The following TLNRD1 variants were observed in gnomAD, a reference collection of about 807,000 sequenced individuals.
The protein encoded by TLNRD1 is talin rod domain-containing protein 1.
A neutral mutation model predicts 19.5 loss-of-function variants in TLNRD1; 14 were observed. That is an observed-to-expected ratio of 0.72 (90% CI 0.47 to 1.12). TLNRD1 has a LOEUF of 1.12. Among genes scored for constraint, TLNRD1 ranks in the 50% most tolerant of loss-of-function variants. The pLI, the probability that TLNRD1 is intolerant of heterozygous loss-of-function variation, is 0.00. For missense variants in TLNRD1, 569 were observed against 531.9 expected (o/e 1.07, Z -0.69); for synonymous variants, 345 against 261.7 (o/e 1.32, Z -3.07).
rs999803833 is a variant in TLNRD1, at chr15:81,002,198, G to T, written c.-74G>T. On this transcript the variant is annotated 5_prime_UTR_variant, in exon 1 of 1. Coordinates refer to ENST00000267984, the MANE Select transcript of TLNRD1 (RefSeq NM_022566.3). The stretch of plus-strand genomic sequence containing the variant: ...GCCAGCTGAGTCGCGACGGCCGCCG[G>T]GGCGGCGGCAGTGGCCGCGGCAGCG... The T allele has an allele frequency of 9.9e-6, 12 of 1,207,564 alleles. No individual in the cohort carries two copies. The highest frequency in any genetic ancestry group is 1.2e-5 in the Non-Finnish European group (12 of 972,194). The allele number at this position is 1,207,564 out of a possible 1,614,324, so 74.8% of individuals were successfully genotyped here. A position where few individuals can be genotyped will look rare whatever the true frequency, so the allele number is the denominator to read the frequency against.
chr15:81,002,884 T>G lies in TLNRD1; in HGVS notation c.613T>G (p.Ser205Ala), dbSNP rs770688555. The G allele has an allele frequency of 1.6e-5, 26 of 1,597,054 alleles. No homozygotes were observed. The highest frequency in any genetic ancestry group is 2.2e-5 in the Non-Finnish European group (26 of 1,178,896). The change falls in exon 1 of 1, where the codon TCA becomes GCA. Residue 205 changes from serine (S) to alanine (A), a missense_variant. Physicochemically the swap from Ser to Ala is moderately conservative, Grantham distance 99. Transcript: ENST00000267984. ...CGCGTGCGCCCTGGCCAGTGACAAG[T>G]CACGGGACCGCTTTTCGCGGGAGCA... Reference protein sequence around the residue: ...TDACALASDKSRDRFSREQFK... With the variant: ...TDACALASDKARDRFSREQFK...
At position 81,002,580 on chromosome 15, in the gene TLNRD1, C is replaced by T. The variant is rs1178816395; in HGVS notation, c.309C>T (p.Gly103=). 2 of 1,468,988 alleles carry T rather than the reference C, an allele frequency of 1.4e-6. No homozygotes were observed. Among genetic ancestry groups the T allele is most frequent in the East Asian group, 2.6e-5 (1 of 38,904 alleles). The allele number at this position is 1,468,988 out of a possible 1,614,324, so 91.0% of individuals were successfully genotyped here. ...THDVQSQLNM[G]RFGEAGDSLV... ...ACGTGCAGAGCCAGCTCAACATGGGCCGCTTCGGGGAGGCGGGGGACAGCC... is the reference window on the plus strand; with the variant it reads ...ACGTGCAGAGCCAGCTCAACATGGGTCGCTTCGGGGAGGCGGGGGACAGCC... Residue 103 remains glycine, a synonymous_variant, in exon 1 of 1, where the codon GGC becomes GGT. Coordinates refer to ENST00000267984, the MANE Select transcript of TLNRD1 (RefSeq NM_022566.3).
Position 81,001,023 on chromosome 15 carries a change from C to T in TLNRD1, c.-1249C>T, listed in dbSNP as rs1487705317. On this transcript the variant is annotated 5_prime_UTR_variant, in exon 1 of 1. Coordinates refer to ENST00000267984, the MANE Select transcript of TLNRD1 (RefSeq NM_022566.3). ...GGGAACAGGAAAAGCCTCCGGCAGC[C>T]CCTGCGGGCGGCGGCGCAGCCACGG... 1 of 154,288 alleles carries T rather than the reference C, an allele frequency of 6.5e-6. No homozygotes were observed. The highest frequency in any genetic ancestry group is 1.4e-5 in the Non-Finnish European group (1 of 69,380). 9.6% of individuals were successfully genotyped at this position (154,288 alleles called of 1,614,324 possible).
At position 81,004,000 on chromosome 15, in the gene TLNRD1, T is replaced by G. The variant is rs1893461410; in HGVS notation, c.*640T>G. On this transcript the variant is annotated 3_prime_UTR_variant, in exon 1 of 1. Transcript: ENST00000267984. Reference sequence around the variant, plus strand: ...TTCATCTATTAAAATGTTATGTTTCTCAGATGGCTTTTTGCAATTATTGTT... The same window carrying G: ...TTCATCTATTAAAATGTTATGTTTCGCAGATGGCTTTTTGCAATTATTGTT... The G allele has an allele frequency of 6.0e-6, 1 of 167,026 alleles. No homozygotes were observed. Among genetic ancestry groups the G allele is most frequent in the African/African-American group, 2.4e-5 (1 of 41,434 alleles). 10.3% of individuals were successfully genotyped at this position (167,026 alleles called of 1,614,324 possible).
At position 81,003,128 on chromosome 15, in the gene TLNRD1, C is replaced by T; in HGVS notation, c.857C>T (p.Thr286Ile). Residue 286 changes from threonine (T) to isoleucine (I), a missense_variant, in exon 1 of 1, where the codon ACC becomes ATC. Coordinates refer to ENST00000267984, the MANE Select transcript of TLNRD1 (RefSeq NM_022566.3). ...AGCGCCGAGGGCAAGGCGGTGCAGA[C>T]CGCCATCCTGGGCGGCGCCATGAGC... ...AVSAEGKAVQ[T>I]AILGGAMSVV... 1.3e-6 allele frequency: 2 copies of T among 1,562,464 alleles called. No homozygotes were observed. The highest frequency in any genetic ancestry group is 1.7e-4 in the Middle Eastern group (1 of 5,890).
rs1452711413 is a variant in TLNRD1, at chr15:81,004,545, A to C, written c.*1185A>C. 1.2e-5 allele frequency: 2 copies of C among 167,086 alleles called. No individual in the cohort carries two copies. Among genetic ancestry groups the C allele is most frequent in the Non-Finnish European group, 1.5e-5 (1 of 68,126 alleles). The allele number at this position is 167,086 out of a possible 1,614,324, so 10.4% of individuals were successfully genotyped here. On this transcript the variant is annotated 3_prime_UTR_variant, in exon 1 of 1. Coordinates refer to ENST00000267984, the MANE Select transcript of TLNRD1 (RefSeq NM_022566.3). The stretch of plus-strand genomic sequence containing the variant: ...CAAGATCCTCATGATTTCAGAAAAA[A>C]TATAGAGAGGGTCCTAGACTGCTTA...
Position 81,002,670 on chromosome 15 carries a change from C to A in TLNRD1, c.399C>A (p.Ala133=). The A allele has an allele frequency of 6.8e-7, 1 of 1,462,720 alleles. No homozygotes were observed. The highest frequency in any genetic ancestry group is 1.4e-5 in the South Asian group (1 of 71,132). 90.6% of individuals were successfully genotyped at this position (1,462,720 alleles called of 1,614,324 possible). Residue 133 remains alanine, a synonymous_variant, in exon 1 of 1, where the codon GCC becomes GCA. Transcript: ENST00000267984. The stretch of plus-strand genomic sequence containing the variant: ...GCTCGGCCCACGCGGCCTATCTGGC[C>A]GCTGTGGCCACGCCGGGCGCCCAGC... The part of the protein sequence containing the change: ...TECSAHAAYL[A]AVATPGAQPA...
chr15:81,002,763 C>T lies in TLNRD1; in HGVS notation c.492C>T (p.Cys164=). 1 of 1,539,716 alleles carries T rather than the reference C, an allele frequency of 6.5e-7. No individual in the cohort carries two copies. The highest frequency in any genetic ancestry group is 8.7e-7 in the Non-Finnish European group (1 of 1,148,608). ...GCCGCCACGAGGTGGAGCAGGGTTG[C>T]GCCGTGCTGCGCGCCACGCCGCTGG... ...TRCRHEVEQG[C]AVLRATPLAD... The change falls in exon 1 of 1, where the codon TGC becomes TGT. Residue 164 remains cysteine (C), a synonymous_variant. Transcript: ENST00000267984.
At position 81,001,266 on chromosome 15, in the gene TLNRD1, C is replaced by G. The variant is rs932548469; in HGVS notation, c.-1006C>G. On this transcript the variant is annotated 5_prime_UTR_variant, in exon 1 of 1. Transcript: ENST00000267984. Reference sequence around the variant, plus strand: ...GACTCGTGCAGGGGCGTCCGATGCGCGGGGCCCGGGGCCTCGGGAGAGCTC... The same window carrying G: ...GACTCGTGCAGGGGCGTCCGATGCGGGGGGCCCGGGGCCTCGGGAGAGCTC... 3 of 152,158 alleles carry G rather than the reference C, an allele frequency of 2.0e-5. No homozygotes were observed. The highest frequency in any genetic ancestry group is 7.2e-5 in the African/African-American group (3 of 41,406). 9.4% of individuals were successfully genotyped at this position (152,158 alleles called of 1,614,324 possible).
chr15:81,003,724 TAAAA>T lies in TLNRD1; in HGVS notation c.*365_*368del, dbSNP rs1893457349. 4.9e-6 allele frequency: 1 copy of T among 204,954 alleles called. No homozygotes were observed. Among genetic ancestry groups the T allele is most frequent in the Non-Finnish European group, 1.1e-5 (1 of 93,960 alleles). The allele number at this position is 204,954 out of a possible 1,614,324, so 12.7% of individuals were successfully genotyped here. On this transcript the variant is annotated 3_prime_UTR_variant, in exon 1 of 1. Coordinates refer to ENST00000267984, the MANE Select transcript of TLNRD1 (RefSeq NM_022566.3). The stretch of plus-strand genomic sequence containing the variant: ...CATTTTTGTTTTTTGTGTTTTTAAT[TAAAA>T]GAAAGGTTACCTCAGTTTTCACTCC...
In TLNRD1 at chr15:81,002,151, C is replaced by A. The variant is rs1051018481; in HGVS notation, c.-121C>A. The A allele has an allele frequency of 2.8e-6, 3 of 1,084,922 alleles. No homozygotes were observed. Among genetic ancestry groups the A allele is most frequent in the Non-Finnish European group, 1.2e-6 (1 of 865,072 alleles). 67.2% of individuals were successfully genotyped at this position (1,084,922 alleles called of 1,614,324 possible). A position where few individuals can be genotyped will look rare whatever the true frequency, so the allele number is the denominator to read the frequency against. Reference sequence around the variant, plus strand: ...CGCGGCGGTGGATGGCATGATGGTGCGGGGAAGGCACCGCGGCCTTGGCCA... The same window carrying A: ...CGCGGCGGTGGATGGCATGATGGTGAGGGGAAGGCACCGCGGCCTTGGCCA... On this transcript the variant is annotated 5_prime_UTR_variant, in exon 1 of 1. Coordinates refer to ENST00000267984, the MANE Select transcript of TLNRD1 (RefSeq NM_022566.3).
rs886446853 is a variant in TLNRD1, at chr15:81,004,899, C to T, written c.*1539C>T. The T allele has an allele frequency of 1.2e-5, 2 of 166,948 alleles. No individual in the cohort carries two copies. Among genetic ancestry groups the T allele is most frequent in the African/African-American group, 4.8e-5 (2 of 41,386 alleles). The allele number at this position is 166,948 out of a possible 1,614,324, so 10.3% of individuals were successfully genotyped here. A position where few individuals can be genotyped will look rare whatever the true frequency, so the allele number is the denominator to read the frequency against. On this transcript the variant is annotated 3_prime_UTR_variant, in exon 1 of 1. Coordinates refer to ENST00000267984, the MANE Select transcript of TLNRD1 (RefSeq NM_022566.3). ...AGAGCCACATGAGTAAAAACTCGTA[C>T]GTGGTTTAGATTTGTTCCATTTACA...
At position 81,004,412 on chromosome 15, in the gene TLNRD1, G is replaced by A. The variant is rs747291337; in HGVS notation, c.*1052G>A. The A allele has an allele frequency of 6.0e-6, 1 of 167,048 alleles. No individual in the cohort carries two copies. The highest frequency in any genetic ancestry group is 1.5e-5 in the Non-Finnish European group (1 of 68,132). The allele number at this position is 167,048 out of a possible 1,614,324, so 10.3% of individuals were successfully genotyped here. On this transcript the variant is annotated 3_prime_UTR_variant, in exon 1 of 1. Coordinates refer to ENST00000267984, the MANE Select transcript of TLNRD1 (RefSeq NM_022566.3). Reference sequence around the variant, plus strand: ...CATTTTCAGATTAAATCCTAATCCTGTGTGGTATGCCAGCCTTCCCAACTC... The same window carrying A: ...CATTTTCAGATTAAATCCTAATCCTATGTGGTATGCCAGCCTTCCCAACTC...
At position 81,002,063 on chromosome 15, in the gene TLNRD1, C is replaced by T. The variant is rs916319399; in HGVS notation, c.-209C>T. The T allele has an allele frequency of 7.0e-5, 27 of 386,152 alleles. No homozygotes were observed. Among genetic ancestry groups the T allele is most frequent in the Non-Finnish European group, 1.0e-4 (24 of 237,088 alleles). The allele number at this position is 386,152 out of a possible 1,614,324, so 23.9% of individuals were successfully genotyped here. ...TGCCCCGAAGAGCCTTCCGCGTTCT[C>T]TCGCCCTCGGGCCCACCCCGCGCCG... On this transcript the variant is annotated 5_prime_UTR_variant, in exon 1 of 1. Coordinates refer to ENST00000267984, the MANE Select transcript of TLNRD1 (RefSeq NM_022566.3).
chr15:81,005,015 G>GA lies in TLNRD1; in HGVS notation c.*1661dup, dbSNP rs1161336370. 6.0e-6 allele frequency: 1 copy of GA among 166,954 alleles called. No homozygotes were observed. Among genetic ancestry groups the GA allele is most frequent in the African/African-American group, 2.4e-5 (1 of 41,410 alleles). The allele number at this position is 166,954 out of a possible 1,614,324, so 10.3% of individuals were successfully genotyped here. On this transcript the variant is annotated 3_prime_UTR_variant, in exon 1 of 1. Coordinates refer to ENST00000267984, the MANE Select transcript of TLNRD1 (RefSeq NM_022566.3). ...TCACTGTAATACATTAAGAGAGAGA[G>GA]AAAAAAGTCATATTGACTATTTTAC...
Position 81,001,924 on chromosome 15 carries a change from G to A in TLNRD1, c.-348G>A, listed in dbSNP as rs1893416336. The A allele has an allele frequency of 5.8e-6, 1 of 171,106 alleles. No homozygotes were observed. The highest frequency in any genetic ancestry group is 6.3e-5 in the Admixed American group (1 of 15,790). The allele number at this position is 171,106 out of a possible 1,614,324, so 10.6% of individuals were successfully genotyped here. A position where few individuals can be genotyped will look rare whatever the true frequency, so the allele number is the denominator to read the frequency against. On this transcript the variant is annotated 5_prime_UTR_variant, in exon 1 of 1. Transcript: ENST00000267984. ...AGGCGGCGGCGGCGGCGAACCAGCA[G>A]AAGGGACTTTCCTGGCAGCCCGGCG...
At position 81,000,932 on chromosome 15, in the gene TLNRD1, C is replaced by T. The variant is rs531604135; in HGVS notation, c.-1340C>T. ...GGCGGTGACGCCACACAAAAGATTT[C>T]TATAGGCTCCAGGGAGGTTACGGCC... On this transcript the variant is annotated 5_prime_UTR_variant, in exon 1 of 1. Transcript: ENST00000267984. 1.3e-5 allele frequency: 2 copies of T among 154,322 alleles called. No homozygotes were observed. Among genetic ancestry groups the T allele is most frequent in the African/African-American group, 4.8e-5 (2 of 41,592 alleles). The allele number at this position is 154,322 out of a possible 1,614,324, so 9.6% of individuals were successfully genotyped here.
At position 81,002,933 on chromosome 15, in the gene TLNRD1, T is replaced by G; in HGVS notation, c.662T>G (p.Met221Arg). 1 of 1,596,246 alleles carries G rather than the reference T, an allele frequency of 6.3e-7. No homozygotes were observed. Among genetic ancestry groups the G allele is most frequent in the Non-Finnish European group, 8.5e-7 (1 of 1,178,022 alleles). ...CAGTTCAAGCTGGGCGTCAAGTGCA[T>G]GAGCACCAGCGCGTCGGCGCTGCTG... ...REQFKLGVKCMSTSASALLAC... is the reference protein window; with the variant it reads ...REQFKLGVKCRSTSASALLAC... Residue 221 changes from methionine (M) to arginine (R), a missense_variant, in exon 1 of 1, where the codon ATG becomes AGG. Transcript: ENST00000267984.
In TLNRD1 at chr15:81,002,158, G is replaced by T. The variant is rs1400545402; in HGVS notation, c.-114G>T. On this transcript the variant is annotated 5_prime_UTR_variant, in exon 1 of 1. In the 5' UTR this introduces an upstream ATG that the reference lacks. Transcript: ENST00000267984. Reference sequence around the variant, plus strand: ...GTGGATGGCATGATGGTGCGGGGAAGGCACCGCGGCCTTGGCCAGCTGAGT... The same window carrying T: ...GTGGATGGCATGATGGTGCGGGGAATGCACCGCGGCCTTGGCCAGCTGAGT... The T allele has an allele frequency of 9.0e-7, 1 of 1,116,238 alleles. No homozygotes were observed. Among genetic ancestry groups the T allele is most frequent in the Non-Finnish European group, 1.1e-6 (1 of 892,946 alleles). The allele number at this position is 1,116,238 out of a possible 1,614,324, so 69.1% of individuals were successfully genotyped here.
Sources: allele counts gnomAD v4.1 joint callset, GRCh38; gene constraint gnomAD v4.1.1; transcripts MANE v1.5; gene names NCBI Gene and HGNC (gene_info 2026-07-23, HGNC 2026-07-21).